RORB: variants seen among roughly 807,000 people sequenced by gnomAD.
The protein encoded by RORB is nuclear receptor ROR-beta.
Under a neutral mutation model 59.1 loss-of-function variants are expected in RORB, and 6 were observed. That is an observed-to-expected ratio of 0.10 (90% CI 0.06 to 0.20). The LOEUF is 0.20. RORB is among the 10% of genes least tolerant of loss of function. The probability of loss-of-function intolerance (pLI) is 1.00; values close to 1 mark genes in which losing one functional copy is unlikely to be tolerated. For synonymous variants in RORB, 215 were observed against 204.5 expected (o/e 1.05, Z -0.44); for missense variants, 320 against 560.5 (o/e 0.57, Z 4.33).
rs1296297096 is a variant in RORB at position 74,693,060 on chromosome 9, G to A, written c.*7442G>A. ...TCCTGTAAATTATTAGTTCAATACT[G>A]TTAGCATTCCCGGATAATGCACACA... On this transcript the variant is annotated 3_prime_UTR_variant, in exon 10 of 10. Coordinates refer to ENST00000376896, the MANE Select transcript of RORB (RefSeq NM_006914.4). The A allele has an allele frequency of 6.6e-6, 1 of 152,088 alleles. No homozygotes were observed. Among genetic ancestry groups the A allele is most frequent in the African/African-American group, 2.4e-5 (1 of 41,394 alleles). 9.4% of individuals were successfully genotyped at this position (152,088 alleles called of 1,614,324 possible).
intron 1 of RORB, among the ~76,000 whole-genome samples, chr9:74,614,873 T>C (rs1304477471): frequency 6.6e-6 from 1 of 152,218 alleles, no homozygotes; most frequent in Non-Finnish European, 1.5e-5. Flanking sequence ...TGTCTTTGTT[T>C]CTTCATCATT....
chr9:74,644,162 C>T (rs1823856479), intron 4 of RORB, among the ~76,000 whole-genome samples: 1 of 152,094 alleles, frequency 6.6e-6, no homozygotes, highest in Admixed American at 6.6e-5. Context: ...CTACTTGTAC[C>T]ATCTGGTTGA....
At chr9:74,567,377 G>A (rs189153829) in intron 1 of RORB, among the ~76,000 whole-genome samples, 55 of 152,172 alleles carry the variant, frequency 3.6e-4, no homozygotes, top group Non-Finnish European at 5.9e-5. Context: ...AAAGCTGGAT[G>A]GATTCCAAAG....
intron 1 of RORB, among the ~76,000 whole-genome samples, chr9:74,523,529 T>G (rs1826112145): frequency 6.6e-6 from 1 of 151,956 alleles, no homozygotes. Flanking sequence ...GCCATGGATC[T>G]GATTTAAAAG....
chr9:74,535,178 GTGTC>G (rs1826303056), intron 1 of RORB, among the ~76,000 whole-genome samples: 1 of 152,050 alleles, frequency 6.6e-6, no homozygotes, highest in Non-Finnish European at 1.5e-5. Flanking sequence ...GTGTATGTGT[GTGTC>G]TGTGTGTACA....
chr9:74,559,301 G>A (rs1232654329), intron 1 of RORB, among the ~76,000 whole-genome samples: 3 of 152,102 alleles, frequency 2.0e-5, no homozygotes, highest in African/African-American at 7.2e-5. Context: ...CCCCGGAAGA[G>A]GTAGAGTGAA....
intron 8 of RORB, among the ~76,000 whole-genome samples, chr9:74,669,874 A>T (rs1311667078): frequency 1.3e-5 from 2 of 152,232 alleles, no homozygotes; most frequent in African/African-American, 4.8e-5. Flanking sequence ...TTTTCCAATA[A>T]CACCAATGTC....
intron 1 of RORB, among the ~76,000 whole-genome samples, chr9:74,628,588 A>T (rs1388922428): frequency 6.6e-6 from 1 of 152,226 alleles, no homozygotes; most frequent in Non-Finnish European, 1.5e-5. Flanking sequence ...AATTCAATGT[A>T]CTGCCCTAAA....
chr9:74,546,986 C>A (rs527517223), intron 1 of RORB, among the ~76,000 whole-genome samples: 2 of 152,058 alleles, frequency 1.3e-5, no homozygotes, highest in African/African-American at 4.8e-5. Flanking sequence ...CCCAGCTACT[C>A]GGGAGGCTGA....
chr9:74,563,140 C>T (rs1822421568), intron 1 of RORB, among the ~76,000 whole-genome samples: 1 of 151,360 alleles, frequency 6.6e-6, no homozygotes, highest in South Asian at 2.1e-4. Context: ...AACTGGAGCC[C>T]GATCCAGGAT....
chr9:74,668,369 T>C (rs1310794597), intron 8 of RORB, among the ~76,000 whole-genome samples: 1 of 152,222 alleles, frequency 6.6e-6, no homozygotes, highest in Non-Finnish European at 1.5e-5. Context: ...CCCAAATTCA[T>C]GTTGAGGTGC....
intron 1 of RORB, among the ~76,000 whole-genome samples, chr9:74,575,598 G>A (rs536791685): frequency 6.6e-6 from 1 of 151,968 alleles, no homozygotes; most frequent in Non-Finnish European, 1.5e-5. Context: ...GATATGCCTG[G>A]ACACTCACCA....
intron 1 of RORB, among the ~76,000 whole-genome samples, chr9:74,620,327 C>T (rs144733411): frequency 0.31 from 47,519 of 152,066 alleles, 7,587 homozygotes; most frequent in Non-Finnish European, 0.35. Context: ...AGTTTATTTG[C>T]GTAGAGGTGT....
At chr9:74,594,228 C>T (rs1361888444) in intron 1 of RORB, among the ~76,000 whole-genome samples, 3 of 152,180 alleles carry the variant, frequency 2.0e-5, no homozygotes, top group Non-Finnish European at 4.4e-5. Context: ...GCCTTTTGCA[C>T]GAGTGAGACC....
At chr9:74,600,770 T>C (rs1434093235) in intron 1 of RORB, among the ~76,000 whole-genome samples, 1 of 152,242 alleles carries the variant, frequency 6.6e-6, no homozygotes, top group Non-Finnish European at 1.5e-5. Flanking sequence ...CATTGATAAT[T>C]AACTGTATCC....
At chr9:74,626,147 G>GT (rs1306032596) in intron 1 of RORB, among the ~76,000 whole-genome samples, 1 of 152,066 alleles carries the variant, frequency 6.6e-6, no homozygotes, top group Non-Finnish European at 1.5e-5. Context: ...CAAAGAAGGG[G>GT]TTTTCAGGGG....
In RORB at chr9:74,532,956, A is replaced by T. The variant is rs186600432; in HGVS notation, c.7+34973A>T. 1.3e-3 allele frequency among the ~76,000 whole-genome samples: 200 copies of T among 151,644 alleles called. 2 individuals are homozygous for T. Among genetic ancestry groups the T allele is most frequent in the Admixed American group, 2.2e-3 (34 of 15,174 alleles). The stretch of plus-strand genomic sequence containing the variant: ...ATCAGGAAACTTTGCAAAAATTCAG[A>T]TTTTCAGTTTCTCTTTTAAAAAGTT... On this transcript the variant is annotated intron_variant, in intron 1 of 9. Transcript: ENST00000376896.
intron 1 of RORB, among the ~76,000 whole-genome samples, chr9:74,525,284 T>C (rs895017545): frequency 2.0e-5 from 3 of 151,936 alleles, no homozygotes; most frequent in Admixed American, 6.6e-5. Flanking sequence ...GAGGTTATAT[T>C]GATTTTTCAT....
intron 1 of RORB, chr9:74,498,843 C>T (rs1825761755): frequency 1.2e-5 from 2 of 162,478 alleles, no homozygotes; most frequent in Admixed American, 6.5e-5. Flanking sequence ...GGCGGCGGGA[C>T]CCCGGGGCGA....
Sources: allele counts gnomAD v4.1 joint callset (sites outside exome capture counted in the v4.1 genomes callset), GRCh38; gene constraint gnomAD v4.1.1; transcripts MANE v1.5; gene names NCBI Gene and HGNC (gene_info 2026-07-23, HGNC 2026-07-21).